The following PLCB1 variants were observed in gnomAD, a reference collection of about 807,000 sequenced individuals.
PLCB1 encodes phospholipase C beta 1.
PLCB1 carries 46 observed loss-of-function variants against 161.8 expected under a neutral mutation model. The observed-to-expected ratio is 0.28, with a 90% CI of 0.22 to 0.36. PLCB1 has a LOEUF of 0.36. Ranked by LOEUF, PLCB1 falls within the 10% of genes least tolerant of loss-of-function variation. PLCB1 has a pLI of 1.00. For missense variants in PLCB1, 1,016 were observed against 1,472.5 expected, an observed-to-expected ratio of 0.69 and a Z score of 5.07; for synonymous variants, 517 against 503.7, an observed-to-expected ratio of 1.03 and a Z score of -0.35.
At chr20:8,198,532 A>G (rs6077324) in intron 2 of PLCB1, among the ~76,000 whole-genome samples, 2,407 of 152,248 alleles carry the variant, frequency 0.016, 25 homozygotes, top group Non-Finnish European at 0.024. Context: ...TGCTAGGAAG[A>G]GAGAACAGAT....
At chr20:8,670,572 G>A (rs770519874) in intron 9 of PLCB1, among the ~76,000 whole-genome samples, 22 of 152,118 alleles carry the variant, frequency 1.4e-4, no homozygotes, top group Admixed American at 5.9e-4. Flanking sequence ...AATCAAGATG[G>A]AATAACAATA....
chr20:8,152,762 A>G (rs370994980), intron 2 of PLCB1, among the ~76,000 whole-genome samples: 2 of 152,050 alleles, frequency 1.3e-5, no homozygotes, highest in East Asian at 3.9e-4. Flanking sequence ...GCTTCTTCCA[A>G]TATATTCCCT....
chr20:8,507,332 G>A (rs1387868781), intron 3 of PLCB1, among the ~76,000 whole-genome samples: 3 of 152,106 alleles, frequency 2.0e-5, no homozygotes, highest in Non-Finnish European at 4.4e-5. Context: ...AGGATCAACT[G>A]TAATTTCTTA....
At chr20:8,800,119 A>T (rs559486680) in intron 31 of PLCB1, among the ~76,000 whole-genome samples, 29 of 152,328 alleles carry the variant, frequency 1.9e-4, no homozygotes, top group Middle Eastern at 3.4e-3. Context: ...GTACTTGGAG[A>T]TGAGAGAAAA....
At chr20:8,784,362 A>G (rs1485753141) in intron 27 of PLCB1, among the ~76,000 whole-genome samples, 1 of 152,110 alleles carries the variant, frequency 6.6e-6, no homozygotes, top group Non-Finnish European at 1.5e-5. Flanking sequence ...CAGGAGTTCA[A>G]GAGCAGCCTG....
At chr20:8,879,838 G>A (rs902461818) in intron 31 of PLCB1, among the ~76,000 whole-genome samples, 31 of 152,238 alleles carry the variant, frequency 2.0e-4, no homozygotes, top group South Asian at 1.4e-3. Flanking sequence ...TGGCATTCCA[G>A]GGATCAGAAC....
intron 2 of PLCB1, among the ~76,000 whole-genome samples, chr20:8,326,369 G>C (rs118188034): frequency 0.01 from 1,572 of 152,266 alleles, 13 homozygotes; most frequent in Non-Finnish European, 0.013. Context: ...TGTGGGGCTG[G>C]AAGGTTTGCA....
chr20:8,480,254 A>G (rs1188243249), intron 3 of PLCB1, among the ~76,000 whole-genome samples: 6 of 152,178 alleles, frequency 3.9e-5, no homozygotes, highest in Non-Finnish European at 7.3e-5. Flanking sequence ...AGCTGAACAG[A>G]GAATAAAATC....
chr20:8,685,789 G>A (rs552099850), intron 10 of PLCB1, among the ~76,000 whole-genome samples: 4 of 151,970 alleles, frequency 2.6e-5, no homozygotes, highest in African/African-American at 9.7e-5. Flanking sequence ...GGTAGGACAG[G>A]GCTTTAGACA....
At chr20:8,684,831 C>A in intron 9 of PLCB1, 101 bp from the exon 10 acceptor site, 1 of 801,458 alleles carries the variant, frequency 1.2e-6, no homozygotes, top group Non-Finnish European at 2.0e-6. Context: ...TGTCTTCTAC[C>A]TTGGACACTA....
Position 8,774,631 on chromosome 20 carries a change from T to G in PLCB1, c.3023T>G (p.Leu1008Trp). Residue 1008 changes from leucine to tryptophan, a missense_variant, in exon 27 of 32, where the codon TTG (leucine) becomes TGG (tryptophan). Transcript: ENST00000338037. ...DAEMTQKLIDLKDKQQQQLLN... is the reference protein window; with the variant it reads ...DAEMTQKLIDWKDKQQQQLLN... ...GAAATGACCCAAAAGTTAATAGACTTGAAGGACAAACAACAGCAGCAGCTG... is the reference window on the plus strand; with the variant it reads ...GAAATGACCCAAAAGTTAATAGACTGGAAGGACAAACAACAGCAGCAGCTG... 2 of 1,614,040 alleles carry G rather than the reference T, an allele frequency of 1.2e-6. No homozygotes were observed. Among genetic ancestry groups the G allele is most frequent in the Non-Finnish European group, 1.7e-6 (2 of 1,179,908 alleles).
At chr20:8,222,271 T>C (rs1281907872) in intron 2 of PLCB1, among the ~76,000 whole-genome samples, 2 of 152,218 alleles carry the variant, frequency 1.3e-5, no homozygotes, top group African/African-American at 2.4e-5. Context: ...TTTGCCATTG[T>C]ACAGATCTGC....
intron 3 of PLCB1, among the ~76,000 whole-genome samples, chr20:8,432,457 C>T (rs1316132317): frequency 2.6e-5 from 4 of 152,200 alleles, no homozygotes; most frequent in African/African-American, 9.7e-5. Context: ...CCGAGCCCCA[C>T]CCTTATGACC....
intron 17 of PLCB1, among the ~76,000 whole-genome samples, chr20:8,728,541 T>C: frequency 6.6e-6 from 1 of 152,202 alleles, no homozygotes; most frequent in East Asian, 1.9e-4. Flanking sequence ...TAATAAAAAT[T>C]AGCAGACAGC....
intron 31 of PLCB1, among the ~76,000 whole-genome samples, chr20:8,874,956 A>T (rs544704784): frequency 6.6e-6 from 1 of 151,980 alleles, no homozygotes; most frequent in East Asian, 1.9e-4. Flanking sequence ...AATTTCTCAG[A>T]ATGTTATTGC....
chr20:8,197,316 A>G (rs1162616489), intron 2 of PLCB1, among the ~76,000 whole-genome samples: 1 of 152,136 alleles, frequency 6.6e-6, no homozygotes, highest in Non-Finnish European at 1.5e-5. Context: ...TATCCTCTCC[A>G]GCACCTGTTG....
intron 20 of PLCB1, among the ~76,000 whole-genome samples, chr20:8,738,987 TA>T (rs781773743): frequency 1.3e-5 from 2 of 152,082 alleles, no homozygotes; most frequent in South Asian, 4.1e-4. Context: ...CTGTCTCTAC[TA>T]AAAAAGTACA....
intron 23 of PLCB1, among the ~76,000 whole-genome samples, chr20:8,747,745 C>A (rs1275019946): frequency 6.6e-6 from 1 of 151,952 alleles, no homozygotes; most frequent in Non-Finnish European, 1.5e-5. Context: ...GCACCCTAGC[C>A]TGGGCAACAG....
chr20:8,594,635 T>A (rs1987264927), intron 3 of PLCB1, among the ~76,000 whole-genome samples: 1 of 152,076 alleles, frequency 6.6e-6, no homozygotes, highest in African/African-American at 2.4e-5. Flanking sequence ...CATTGTAGTG[T>A]CTTTTTGCAC....
Sources: allele counts gnomAD v4.1 joint callset (sites outside exome capture counted in the v4.1 genomes callset), GRCh38; gene constraint gnomAD v4.1.1; transcripts MANE v1.5; gene names NCBI Gene and HGNC (gene_info 2026-07-23, HGNC 2026-07-21).